The following SLF2 variants were observed in gnomAD, a reference collection of about 807,000 sequenced individuals.
SLF2 encodes the protein SMC5-SMC6 complex localization factor protein 2.
In SLF2, 68 loss-of-function variants were observed where a neutral mutation model predicts 124.3. The observed-to-expected ratio is 0.55, with a 90% confidence interval of 0.45 to 0.67. The LOEUF (loss-of-function observed/expected upper bound fraction) is 0.67, where lower values mean the gene tolerates loss of function less well. Among genes scored for constraint, SLF2 ranks in the 30% least tolerant of loss-of-function variants. The probability of loss-of-function intolerance (pLI) is 0.00; values close to 1 mark genes in which losing one functional copy is unlikely to be tolerated. For missense variants in SLF2, 1,246 were observed against 1,373.7 expected (o/e 0.91, Z 1.47); for synonymous variants, 480 against 478.8 (o/e 1.00, Z -0.03).
At chr10:100,960,977 G>A (rs936426693) in intron 19 of SLF2, among the ~76,000 whole-genome samples, 6 of 132,524 alleles carry the variant, frequency 4.5e-5, no homozygotes, top group Non-Finnish European at 7.9e-5. Context: ...TCTGGAGTGA[G>A]AACTGAGATA....
At chr10:100,943,929 C>A in intron 11 of SLF2, 97 bp from the exon 12 acceptor site, 2 of 707,144 alleles carry the variant, frequency 2.8e-6, no homozygotes, top group Non-Finnish European at 4.6e-6. Context: ...AATTATACCT[C>A]GATAAAACAT....
At chr10:100,916,089 GGA>G (rs1564768531) in intron 2 of SLF2, 47 bp downstream of exon 2, 2 of 1,474,046 alleles carry the variant, frequency 1.4e-6, no homozygotes, top group East Asian at 2.3e-5. Flanking sequence ...TTGGGGGTGA[GGA>G]GAGAGACAGA....
intron 11 of SLF2, chr10:100,943,791 A>G: frequency 2.6e-6 from 1 of 381,698 alleles, no homozygotes; most frequent in Non-Finnish European, 4.7e-6. Flanking sequence ...TAGCAGATTG[A>G]CTTGGATTTG....
chr10:100,918,275 G>A lies in SLF2; in HGVS notation c.916-109G>A, dbSNP rs1849459059. The A allele has an allele frequency of 6.5e-6, 4 of 613,044 alleles. No homozygotes were observed. In the South Asian group the frequency reaches 1.1e-4, roughly 16 times the overall value. 38.0% of individuals were successfully genotyped at this position (613,044 alleles called of 1,614,324 possible). A position where few individuals can be genotyped will look rare whatever the true frequency, so the allele number is the denominator to read the frequency against. Reference sequence around the variant, plus strand: ...CATTAGGATTTACCTCCAAATATGGGTGCTTGCCTTATTCAATCTAGAAAT... The same window carrying A: ...CATTAGGATTTACCTCCAAATATGGATGCTTGCCTTATTCAATCTAGAAAT... On this transcript the variant is annotated intron_variant, in intron 3 of 19. Coordinates refer to ENST00000238961, the MANE Select transcript of SLF2 (RefSeq NM_018121.4).
intron 15 of SLF2, among the ~76,000 whole-genome samples, chr10:100,949,154 T>C (rs746265018): frequency 9.9e-5 from 15 of 152,192 alleles, no homozygotes; most frequent in Non-Finnish European, 2.1e-4. Context: ...TTAGTAGAAT[T>C]GAGGTAGATT....
chr10:100,960,998 C>CTTTTTTTTTTTTTT (rs59983480), intron 19 of SLF2, among the ~76,000 whole-genome samples: 1 of 61,406 alleles, frequency 1.6e-5, no homozygotes, highest in African/African-American at 6.7e-5. Flanking sequence ...TTCTGTACTT[C>CTTTTTTTTTTTTTT]TTTTTTTTTT....
intron 2 of SLF2, 127 bp from the exon 3 acceptor site, chr10:100,916,440 AGTT>A (rs1374929919): frequency 2.3e-5 from 15 of 647,200 alleles, no homozygotes; most frequent in Non-Finnish European, 3.0e-5. Context: ...TCATTATCCA[AGTT>A]GTTGGTTTGA....
In SLF2 at chr10:100,964,837, CTG is replaced by C. The variant is rs1007240639; in HGVS notation, c.*2928_*2929del. 1.3e-5 allele frequency: 2 copies of C among 152,208 alleles called. No individual in the cohort carries two copies. The highest frequency in any genetic ancestry group is 4.8e-5 in the African/African-American group (2 of 41,444). 9.4% of individuals were successfully genotyped at this position (152,208 alleles called of 1,614,324 possible). A position where few individuals can be genotyped will look rare whatever the true frequency, so the allele number is the denominator to read the frequency against. ...ACTGAGTTGGAGAATTAGGGGATGA[CTG>C]TGGTGGTTTGTCGCTAAGGAGGCAA... is the stretch of plus-strand genomic sequence containing the variant. On this transcript the variant is annotated 3_prime_UTR_variant, in exon 20 of 20. Coordinates refer to ENST00000238961, the MANE Select transcript of SLF2 (RefSeq NM_018121.4).
intron 10 of SLF2, among the ~76,000 whole-genome samples, chr10:100,937,716 C>G (rs1849893548): frequency 6.6e-6 from 1 of 151,618 alleles, no homozygotes; most frequent in Admixed American, 6.6e-5. Flanking sequence ...TCAAGCAATT[C>G]TCGTGCCTCA....
chr10:100,935,116 CG>C (rs1849818594), intron 9 of SLF2, among the ~76,000 whole-genome samples: 1 of 151,846 alleles, frequency 6.6e-6, no homozygotes, highest in African/African-American at 2.4e-5. Flanking sequence ...TTATGTCAGG[CG>C]GGGCGTGATG....
intron 1 of SLF2, 121 bp downstream of exon 1, chr10:100,913,371 G>C (rs550098450): frequency 1.3e-5 from 18 of 1,368,428 alleles, no homozygotes; most frequent in South Asian, 1.7e-5. Flanking sequence ...TTGGCATTTC[G>C]GGGCCTGGCA....
chr10:100,922,922 C>T (rs975231974), intron 4 of SLF2, among the ~76,000 whole-genome samples: 3 of 151,838 alleles, frequency 2.0e-5, no homozygotes, highest in Non-Finnish European at 4.4e-5. Context: ...AGTACAGGCA[C>T]GCACCACCAT....
rs1589955649 is a variant in SLF2, at chr10:100,937,365, T to C, written c.2437-37T>C. On this transcript the variant is annotated intron_variant, in intron 9 of 19. Coordinates refer to ENST00000238961, the MANE Select transcript of SLF2 (RefSeq NM_018121.4). Reference sequence around the variant, plus strand: ...AAATAATGAATGTTTGTGTTTTCTTTCTTCTTAATATCCTGTCATTTCTCT... The same window carrying C: ...AAATAATGAATGTTTGTGTTTTCTTCCTTCTTAATATCCTGTCATTTCTCT... The C allele has an allele frequency of 4.6e-6, 7 of 1,508,442 alleles. No homozygotes were observed. In the East Asian group the frequency reaches 1.6e-4, roughly 34 times the overall value. 93.4% of individuals were successfully genotyped at this position (1,508,442 alleles called of 1,614,324 possible). A position where few individuals can be genotyped will look rare whatever the true frequency, so the allele number is the denominator to read the frequency against.
rs1455156851 is a variant in SLF2, at chr10:100,929,708, C to A, written c.2166-122C>A. On this transcript the variant is annotated intron_variant, in intron 7 of 19. Transcript: ENST00000238961. ...AGAAGCAAAGCATACTTTTCTCATG[C>A]TAGTCTTCTAATTTGGGATTAACAT... 6.6e-6 allele frequency: 5 copies of A among 754,708 alleles called. No homozygotes were observed. In the East Asian group the frequency reaches 1.4e-4, roughly 22 times the overall value. The allele number at this position is 754,708 out of a possible 1,614,324, so 46.8% of individuals were successfully genotyped here.
At chr10:100,921,419 T>C (rs572301526) in intron 4 of SLF2, among the ~76,000 whole-genome samples, 3 of 152,308 alleles carry the variant, frequency 2.0e-5, no homozygotes, top group South Asian at 2.1e-4. Context: ...CTCTCTCTTA[T>C]ATGAATATTT....
chr10:100,954,971 A>C (rs1234859203), intron 17 of SLF2, among the ~76,000 whole-genome samples: 2 of 142,302 alleles, frequency 1.4e-5, no homozygotes, highest in African/African-American at 2.7e-5. Context: ...ATGAAGTCTC[A>C]CTCTGTCACC....
intron 11 of SLF2, among the ~76,000 whole-genome samples, chr10:100,942,835 C>T (rs1003756851): frequency 4.3e-4 from 66 of 152,060 alleles, no homozygotes; most frequent in African/African-American, 1.5e-3. Context: ...TGCCGTATTG[C>T]CCAGGCTAGT....
chr10:100,944,753 G>A (rs1044431805), intron 12 of SLF2, among the ~76,000 whole-genome samples: 6 of 151,810 alleles, frequency 4.0e-5, no homozygotes, highest in Non-Finnish European at 7.4e-5. Context: ...GGCCGGGCGC[G>A]GTGGCTCATG....
At chr10:100,920,403 A>T (rs926656667) in intron 4 of SLF2, among the ~76,000 whole-genome samples, 1 of 152,160 alleles carries the variant, frequency 6.6e-6, no homozygotes, top group Non-Finnish European at 1.5e-5. Flanking sequence ...AAAGTTTTTG[A>T]GTACTGCTTG....
Sources: gnomAD v4.1 joint callset for allele counts (sites outside exome capture counted in the v4.1 genomes callset) on GRCh38, gnomAD v4.1.1 for gene constraint, MANE v1.5 for transcripts, NCBI Gene and HGNC (gene_info 2026-07-23, HGNC 2026-07-21) for gene names.